ACSS2: variants seen among roughly 807,000 people sequenced by gnomAD.
ACSS2 encodes acetyl-coenzyme A synthetase, cytoplasmic.
Under a neutral mutation model 90.6 loss-of-function variants are expected in ACSS2, and 58 were observed. The observed-to-expected ratio is 0.64, with a 90% CI of 0.52 to 0.80. The LOEUF (loss-of-function observed/expected upper bound fraction) is 0.80, where lower values mean the gene tolerates loss of function less well. Among genes scored for constraint, ACSS2 ranks in the 30% least tolerant of loss-of-function variants. The pLI is 0.00. For missense variants in ACSS2, 759 were observed against 912.0 expected (o/e 0.83, Z 2.16); for synonymous variants, 300 against 330.9 (o/e 0.91, Z 1.01).
intron 2 of ACSS2, among the ~76,000 whole-genome samples, chr20:34,898,589 C>T (rs559581993): frequency 1.3e-5 from 2 of 152,108 alleles, no homozygotes; most frequent in Admixed American, 6.5e-5. Flanking sequence ...TCTCCAAGGC[C>T]CCACCAGAGT....
chr20:34,883,136 C>G (rs1294645631), intron 2 of ACSS2, 147 bp downstream of exon 2: 1 of 607,906 alleles, frequency 1.6e-6, no homozygotes, highest in Non-Finnish European at 2.8e-6. Context: ...TCCTTCAGAT[C>G]ACATAACTAG....
At chr20:34,924,527 T>C (rs2081273823) in intron 14 of ACSS2, among the ~76,000 whole-genome samples, 1 of 152,100 alleles carries the variant, frequency 6.6e-6, no homozygotes. Flanking sequence ...CAGCTTGAGA[T>C]GTCTGAAGAA....
Position 34,878,121 on chromosome 20 carries a change from G to A in ACSS2, c.178+1298G>A, listed in dbSNP as rs550493805. 4.6e-5 allele frequency among the ~76,000 whole-genome samples: 7 copies of A among 152,286 alleles called. No individual in the cohort carries two copies. In the East Asian group the frequency reaches 1.4e-3, roughly 29 times the overall value. ...GCTACTTTTTTGTATTTTTTGGAGA[G>A]ACGAGGTTTTGCCATGTTGCCCAGG... On this transcript the variant is annotated intron_variant, in intron 1 of 17. Coordinates refer to ENST00000360596, the MANE Select transcript of ACSS2 (RefSeq NM_018677.4).
At position 34,913,620 on chromosome 20, in the gene ACSS2, G is replaced by A. The variant is rs138515570; in HGVS notation, c.570+124G>A. 5,492 of 1,244,846 alleles carry A rather than the reference G, an allele frequency of 4.4e-3. 26 individuals carry two copies. The highest frequency in any genetic ancestry group is 4.9e-3 in the Non-Finnish European group (4,238 of 862,056). 77.1% of individuals were successfully genotyped at this position (1,244,846 alleles called of 1,614,324 possible). A position where few individuals can be genotyped will look rare whatever the true frequency, so the allele number is the denominator to read the frequency against. On this transcript the variant is annotated intron_variant, in intron 4 of 17. Coordinates refer to ENST00000360596, the MANE Select transcript of ACSS2 (RefSeq NM_018677.4). Reference sequence around the variant, plus strand: ...GGAGCTTAGAAGGTTTGTGTCATAGGTCCATATTAGTTATTCAGTTTCTTC... The same window carrying A: ...GGAGCTTAGAAGGTTTGTGTCATAGATCCATATTAGTTATTCAGTTTCTTC...
At chr20:34,924,682 T>TG (rs1366736720) in intron 14 of ACSS2, among the ~76,000 whole-genome samples, 28 of 149,380 alleles carry the variant, frequency 1.9e-4, no homozygotes, top group Non-Finnish European at 4.0e-4. Flanking sequence ...AAACCTTTTT[T>TG]TTGTTGTTGT....
chr20:34,913,890 T>G, intron 5 of ACSS2, 65 bp downstream of exon 5: 1 of 1,534,528 alleles, frequency 6.5e-7, no homozygotes, highest in East Asian at 2.2e-5. Flanking sequence ...TCCAATCAGC[T>G]CATTGGTATT....
At chr20:34,887,662 A>G (rs2146983027) in intron 2 of ACSS2, among the ~76,000 whole-genome samples, 1 of 152,080 alleles carries the variant, frequency 6.6e-6, no homozygotes, top group Middle Eastern at 3.4e-3. Context: ...AATGGCTTGA[A>G]CCCAGGAGGC....
At chr20:34,925,908 A>T in intron 15 of ACSS2, 142 bp downstream of exon 15, 2 of 1,119,446 alleles carry the variant, frequency 1.8e-6, no homozygotes, top group Non-Finnish European at 2.5e-6. Flanking sequence ...CCCAGGTTTT[A>T]GAGGAGTAAT....
Position 34,882,792 on chromosome 20 carries a change from A to G in ACSS2, c.179-2A>G. 6.2e-7 allele frequency: 1 copy of G among 1,610,326 alleles called. No homozygotes were observed. The highest frequency in any genetic ancestry group is 8.5e-7 in the Non-Finnish European group (1 of 1,178,980). On this transcript the variant is annotated splice_acceptor_variant, in intron 1 of 17. Transcript: ENST00000360596. LOFTEE classifies it high-confidence loss of function. ...ATATCTGGGCTTCCATTTCTGTTGC[A>G]GAATTCTGGGGAGACATTGCCAAGG...
At chr20:34,906,228 G>A (rs536728026) in intron 2 of ACSS2, among the ~76,000 whole-genome samples, 3 of 151,960 alleles carry the variant, frequency 2.0e-5, no homozygotes, top group South Asian at 4.2e-4. Flanking sequence ...CCAGCTACTC[G>A]GGAGGCTGAG....
chr20:34,896,922 C>T (rs992327081), intron 2 of ACSS2, among the ~76,000 whole-genome samples: 5 of 151,770 alleles, frequency 3.3e-5, no homozygotes, highest in South Asian at 4.2e-4. Flanking sequence ...CCCAGCTACT[C>T]GGGAGGCTGA....
At chr20:34,920,873 CT>C in intron 9 of ACSS2, 132 bp from the exon 10 acceptor site, 1 of 1,502,860 alleles carries the variant, frequency 6.7e-7, no homozygotes, top group Non-Finnish European at 9.1e-7. Flanking sequence ...AGGATGGTAT[CT>C]TGGCTTGTCT....
intron 7 of ACSS2, chr20:34,915,308 G>A: frequency 8.1e-6 from 13 of 1,609,190 alleles, no homozygotes; most frequent in Non-Finnish European, 1.1e-5. Flanking sequence ...GCTTGTCTGT[G>A]TGCTCATCTG....
chr20:34,879,987 T>C (rs1392004794), intron 1 of ACSS2, among the ~76,000 whole-genome samples: 1 of 152,188 alleles, frequency 6.6e-6, no homozygotes, highest in Non-Finnish European at 1.5e-5. Flanking sequence ...TTAAATGAGA[T>C]TAGTCCAGTC....
At chr20:34,877,818 C>CAAAAAAAAAAAAAAAAAAAAAAAAAAAA (rs60819156) in intron 1 of ACSS2, among the ~76,000 whole-genome samples, 1 of 91,222 alleles carries the variant, frequency 1.1e-5, no homozygotes, top group African/African-American at 4.8e-5. Context: ...GACTTTGTCT[C>CAAAAAAAAAAAAAAAAAAAAAAAAAAAA]AAAAAAAAAA....
At chr20:34,919,074 T>C (rs2081135907) in intron 7 of ACSS2, among the ~76,000 whole-genome samples, 1 of 152,152 alleles carries the variant, frequency 6.6e-6, no homozygotes, top group South Asian at 2.1e-4. Flanking sequence ...TCAATAATAA[T>C]AGCAGGGTTG....
intron 2 of ACSS2, among the ~76,000 whole-genome samples, chr20:34,888,067 C>CA (rs34578238): frequency 0.11 from 7,178 of 62,552 alleles, 1,120 homozygotes; most frequent in African/African-American, 0.3. Context: ...AAGACTCCAT[C>CA]AAAAAAAAAA....
chr20:34,898,348 C>G (rs915086910), intron 2 of ACSS2, among the ~76,000 whole-genome samples: 1 of 152,186 alleles, frequency 6.6e-6, no homozygotes, highest in East Asian at 1.9e-4. Context: ...CGTTTACAAT[C>G]CCTGAGCTAG....
At chr20:34,902,680 A>C (rs1037121525) in intron 2 of ACSS2, among the ~76,000 whole-genome samples, 3 of 152,004 alleles carry the variant, frequency 2.0e-5, no homozygotes, top group African/African-American at 7.3e-5. Context: ...AGGAGGTGAT[A>C]TGATCTGATT....
Sources: allele counts gnomAD v4.1 joint callset (sites outside exome capture counted in the v4.1 genomes callset), GRCh38; gene constraint gnomAD v4.1.1; transcripts MANE v1.5; gene names NCBI Gene and HGNC (gene_info 2026-07-23, HGNC 2026-07-21).